Variants in CFTR observed in about 807,000 individuals in gnomAD.
CFTR encodes the protein cystic fibrosis transmembrane conductance regulator.
In CFTR, 181 loss-of-function variants were observed where a neutral mutation model predicts 171.6. The observed-to-expected ratio is 1.05, with a 90% CI of 0.93 to 1.19. CFTR has a LOEUF of 1.19. CFTR is among the 50% of genes most tolerant of loss of function. CFTR has a pLI of 0.00. For missense variants in CFTR, 1,968 were observed against 1,734.7 expected (o/e 1.13, Z -2.39); for synonymous variants, 583 against 608.0 (o/e 0.96, Z 0.60).
At chr7:117,583,507 T>C (rs2116006176) in intron 11 of CFTR, among the ~76,000 whole-genome samples, 1 of 152,328 alleles carries the variant, frequency 6.6e-6, no homozygotes, top group African/African-American at 2.4e-5. Context: ...CATTATTTCA[T>C]TCCGTTTTTT....
At chr7:117,609,509 T>C (rs1422717494) in intron 18 of CFTR, among the ~76,000 whole-genome samples, 1 of 152,170 alleles carries the variant, frequency 6.6e-6, no homozygotes, top group Non-Finnish European at 1.5e-5. Flanking sequence ...GTGAAGTACA[T>C]GTTAGCGGAC....
Position 117,542,020 on chromosome 7 carries a change from T to G in CFTR, c.1121T>G (p.Phe374Cys). 6.7e-7 allele frequency: 1 copy of G among 1,499,816 alleles called. No homozygotes were observed. The allele number at this position is 1,499,816 out of a possible 1,614,324, so 92.9% of individuals were successfully genotyped here. Residue 374 changes from phenylalanine (F) to cysteine (C), a missense_variant, in exon 9 of 27, where the codon TTC (phenylalanine) becomes TGC (cysteine). Phe to Cys is a radical substitution (Grantham distance 205, BLOSUM62 -2). Coordinates refer to ENST00000003084, the MANE Select transcript of CFTR (RefSeq NM_000492.4). The part of the protein sequence containing the change: ...SLGAINKIQD[F>C]LQKQEYKTLE... ...TTTGCTCTCTTTTATAAATAGGATTTCTTACAAAAGCAAGAATATAAGACA... is the reference window on the plus strand; with the variant it reads ...TTTGCTCTCTTTTATAAATAGGATTGCTTACAAAAGCAAGAATATAAGACA...
In CFTR at chr7:117,530,982, C is replaced by T. The variant is rs1264742569; in HGVS notation, c.357C>T (p.Ile119=). 5.0e-6 allele frequency: 8 copies of T among 1,613,556 alleles called. No homozygotes were observed. In the Admixed American group the frequency reaches 8.3e-5, roughly 17 times the overall value. The stretch of plus-strand genomic sequence containing the variant: ...CGGATAACAAGGAGGAACGCTCTAT[C>T]GCGATTTATCTAGGCATAGGCTTAT... ...YDPDNKEERS[I]AIYLGIGLCL... Residue 119 remains isoleucine, a synonymous_variant, in exon 4 of 27, where the codon ATC becomes ATT. Coordinates refer to ENST00000003084, the MANE Select transcript of CFTR (RefSeq NM_000492.4).
At chr7:117,491,803 G>A (rs959996199) in intron 1 of CFTR, among the ~76,000 whole-genome samples, 4 of 152,162 alleles carry the variant, frequency 2.6e-5, no homozygotes, top group South Asian at 4.1e-4. Flanking sequence ...GGTACCGGGG[G>A]TTAGGACTCA....
chr7:117,607,283 A>C (rs1792314244), intron 18 of CFTR, among the ~76,000 whole-genome samples: 2 of 152,154 alleles, frequency 1.3e-5, no homozygotes, highest in Admixed American at 1.3e-4. Flanking sequence ...GAAAAAATCT[A>C]GGGTTTTATG....
intron 9 of CFTR, among the ~76,000 whole-genome samples, chr7:117,546,663 A>G (rs1033673610): frequency 6.6e-6 from 1 of 152,210 alleles, no homozygotes; most frequent in Non-Finnish European, 1.5e-5. Context: ...TTCCACTGGT[A>G]CAAGTGCTTA....
chr7:117,573,046 CTCTCTCTCTCT>C, intron 11 of CFTR, among the ~76,000 whole-genome samples: 1 of 142,882 alleles, frequency 7.0e-6, no homozygotes, highest in Non-Finnish European at 1.6e-5. Context: ...TTCTCTCTCT[CTCTCTCTCTCT>C]TGCTCTCTCT....
At position 117,589,372 on chromosome 7, in the gene CFTR, T is replaced by C. The variant is rs727502937; in HGVS notation, c.1680-981T>C. ...TTTAAAAAAATTTTTAAATTGGCTT[T>C]AAAAATTTCTTAATTGTGTGCTGAA... On this transcript the variant is annotated intron_variant, in intron 12 of 26. Coordinates refer to ENST00000003084, the MANE Select transcript of CFTR (RefSeq NM_000492.4). Among the ~76,000 whole-genome samples the C allele has an allele frequency of 2.6e-5, 4 of 152,134 alleles. No individual in the cohort carries two copies. The highest frequency in any genetic ancestry group is 4.1e-4 in the South Asian group (2 of 4,830).
intron 24 of CFTR, among the ~76,000 whole-genome samples, chr7:117,658,376 G>GT (rs964020994): frequency 6.6e-5 from 10 of 152,252 alleles, no homozygotes; most frequent in Non-Finnish European, 1.0e-4. Flanking sequence ...CTATAATCAT[G>GT]TTTTTTTAAT....
At position 117,617,817 on chromosome 7, in the gene CFTR, C is replaced by T. The variant is rs113260609; in HGVS notation, c.3468+3104C>T. 9.2e-3 allele frequency among the ~76,000 whole-genome samples: 1,406 copies of T among 152,224 alleles called. 24 individuals are homozygous for T. Among genetic ancestry groups the T allele is most frequent in the Non-Finnish European group, 0.013 (916 of 68,010 alleles). On this transcript the variant is annotated intron_variant, in intron 21 of 26. Coordinates refer to ENST00000003084, the MANE Select transcript of CFTR (RefSeq NM_000492.4). Reference sequence around the variant, plus strand: ...CCCCATTTCTTTGACCTACATATAGCAAAATATTTGAGAAAGGACCACTTT... The same window carrying T: ...CCCCATTTCTTTGACCTACATATAGTAAAATATTTGAGAAAGGACCACTTT...
chr7:117,594,242 T>C (rs1792084139), intron 14 of CFTR, among the ~76,000 whole-genome samples: 1 of 152,210 alleles, frequency 6.6e-6, no homozygotes, highest in Non-Finnish European at 1.5e-5. Flanking sequence ...CCCAATTCCA[T>C]AGGAGCCCTT....
chr7:117,508,178 C>T (rs2116640059), intron 2 of CFTR, among the ~76,000 whole-genome samples: 1 of 152,272 alleles, frequency 6.6e-6, no homozygotes, highest in Non-Finnish European at 1.5e-5. Flanking sequence ...AATTGTTTAC[C>T]TAGTTCTTCC....
At chr7:117,484,611 G>T (rs948723566) in intron 1 of CFTR, among the ~76,000 whole-genome samples, 2 of 151,906 alleles carry the variant, frequency 1.3e-5, no homozygotes, top group South Asian at 4.1e-4. Context: ...TGTTAATTTT[G>T]TATTAATTTT....
At chr7:117,583,236 G>A (rs1356111582) in intron 11 of CFTR, among the ~76,000 whole-genome samples, 1 of 152,014 alleles carries the variant, frequency 6.6e-6, no homozygotes. Context: ...ATGGATAAGT[G>A]CTTTAGTGGT....
At chr7:117,619,528 T>C (rs754898884) in intron 21 of CFTR, among the ~76,000 whole-genome samples, 1 of 152,194 alleles carries the variant, frequency 6.6e-6, no homozygotes, top group Non-Finnish European at 1.5e-5. Flanking sequence ...GTTGATCAAG[T>C]GACTGATTGT....
intron 11 of CFTR, among the ~76,000 whole-genome samples, chr7:117,562,615 A>C (rs1791532452): frequency 6.6e-6 from 1 of 152,128 alleles, no homozygotes. Context: ...TATGCCAGAC[A>C]CTATTCACTG....
chr7:117,522,284 C>T (rs1404840629), intron 3 of CFTR, among the ~76,000 whole-genome samples: 2 of 152,220 alleles, frequency 1.3e-5, no homozygotes, highest in South Asian at 2.1e-4. Context: ...CCATGGGACT[C>T]TGCAGACTCA....
Position 117,535,304 on chromosome 7 carries a change from G to A in CFTR, c.636G>A (p.Met212Ile). The change falls in exon 6 of 27, where the codon ATG (methionine) becomes ATA (isoleucine). Residue 212 changes from methionine (M) to isoleucine (I), a missense_variant. Transcript: ENST00000003084. ...WIAPLQVALL[M>I]GLIWELLQAS... ...CTCCTTTGCAAGTGGCACTCCTCATGGGGCTAATCTGGGAGTTGTTACAGG... is the reference window on the plus strand; with the variant it reads ...CTCCTTTGCAAGTGGCACTCCTCATAGGGCTAATCTGGGAGTTGTTACAGG... 1 of 1,614,042 alleles carries A rather than the reference G, an allele frequency of 6.2e-7. No homozygotes were observed. The highest frequency in any genetic ancestry group is 8.5e-7 in the Non-Finnish European group (1 of 1,179,992).
intron 5 of CFTR, 113 bp from the exon 6 acceptor site, chr7:117,535,135 G>A (rs193069714): frequency 2.7e-6 from 3 of 1,106,216 alleles, no homozygotes; most frequent in African/African-American, 1.5e-5. Context: ...TCAGAACCAC[G>A]AAGTGTTTGA....
Sources: gnomAD v4.1 joint callset for allele counts (sites outside exome capture counted in the v4.1 genomes callset) on GRCh38, gnomAD v4.1.1 for gene constraint, MANE v1.5 for transcripts, NCBI Gene and HGNC (gene_info 2026-07-23, HGNC 2026-07-21) for gene names.